DNM3: variants seen among roughly 807,000 people sequenced by gnomAD.
DNM3 encodes the protein dynamin-3.
Under a neutral mutation model 101.6 loss-of-function variants are expected in DNM3, and 47 were observed. The ratio of observed to expected loss-of-function variants is 0.46; its 90% confidence interval spans 0.37 to 0.59. The LOEUF is 0.59. Among genes scored for constraint, DNM3 ranks in the 20% least tolerant of loss-of-function variants. The probability of loss-of-function intolerance (pLI) is 0.00; values close to 1 mark genes in which losing one functional copy is unlikely to be tolerated. For missense variants in DNM3, 849 were observed against 1,085.7 expected (o/e 0.78, Z 3.06); for synonymous variants, 385 against 387.9 (o/e 0.99, Z 0.09).
intron 1 of DNM3, among the ~76,000 whole-genome samples, chr1:171,910,041 AT>A (rs2039166324): frequency 6.6e-6 from 1 of 152,222 alleles, no homozygotes; most frequent in Non-Finnish European, 1.5e-5. Context: ...TTAAGCATTC[AT>A]TCCATGTTTT....
At chr1:172,098,551 G>T (rs756884381) in intron 13 of DNM3, among the ~76,000 whole-genome samples, 1 of 152,150 alleles carries the variant, frequency 6.6e-6, no homozygotes, top group Non-Finnish European at 1.5e-5. Context: ...ATCCTCCTCA[G>T]CTTACGAAGA....
chr1:172,289,015 C>A (rs1353291420), intron 15 of DNM3, among the ~76,000 whole-genome samples: 1 of 151,964 alleles, frequency 6.6e-6, no homozygotes, highest in Non-Finnish European at 1.5e-5. Context: ...TTTCACATTT[C>A]TATTCATGAG....
intron 10 of DNM3, among the ~76,000 whole-genome samples, chr1:172,053,937 G>A (rs2125881504): frequency 6.6e-6 from 1 of 152,236 alleles, no homozygotes; most frequent in South Asian, 2.1e-4. Context: ...TAGATAAGGT[G>A]ACTATATAAT....
intron 16 of DNM3, chr1:172,310,286 T>C (rs1325995600): frequency 6.6e-6 from 1 of 152,222 alleles, no homozygotes; most frequent in African/African-American, 2.4e-5. Context: ...ACATACCTAA[T>C]TTTTTATTAA....
rs529010503 is a variant in DNM3, at chr1:172,119,925, G to T, written c.1546-11250G>T. ...CTCTTCCTAAATATTCTTCAAATCT[G>T]TCCACTTCTCCATATGTTCATTTCT... On this transcript the variant is annotated intron_variant, in intron 13 of 20. Coordinates refer to ENST00000627582, the MANE Select transcript of DNM3 (RefSeq NM_015569.5). 4.6e-5 allele frequency among the ~76,000 whole-genome samples: 7 copies of T among 152,116 alleles called. No individual in the cohort carries two copies. In the East Asian group the frequency reaches 1.4e-3, roughly 29 times the overall value.
chr1:172,245,123 T>C (rs1218242308), intron 14 of DNM3, among the ~76,000 whole-genome samples: 1 of 152,154 alleles, frequency 6.6e-6, no homozygotes, highest in Non-Finnish European at 1.5e-5. Flanking sequence ...ATGTCTATGA[T>C]GCAACCAAAA....
chr1:172,127,756 T>TAAAG (rs907092326), intron 13 of DNM3, among the ~76,000 whole-genome samples: 4 of 151,882 alleles, frequency 2.6e-5, no homozygotes, highest in Non-Finnish European at 4.4e-5. Flanking sequence ...TTGCCCATGC[T>TAAAG]AAAGAAAGAA....
chr1:172,233,371 C>G (rs2061413044), intron 14 of DNM3, among the ~76,000 whole-genome samples: 1 of 152,134 alleles, frequency 6.6e-6, no homozygotes, highest in Admixed American at 6.6e-5. Context: ...AGACCAATAA[C>G]AGGCTCTGAA....
At chr1:171,846,209 T>C (rs946252639) in intron 1 of DNM3, among the ~76,000 whole-genome samples, 17 of 147,104 alleles carry the variant, frequency 1.2e-4, no homozygotes, top group African/African-American at 4.3e-4. Context: ...GAATTAACAT[T>C]ATATAATATA....
At chr1:172,178,617 G>C (rs1022865190) in intron 14 of DNM3, among the ~76,000 whole-genome samples, 2 of 151,770 alleles carry the variant, frequency 1.3e-5, no homozygotes, top group African/African-American at 4.8e-5. Flanking sequence ...GAGGGAGAGA[G>C]ACAGAGAGAA....
intron 20 of DNM3, among the ~76,000 whole-genome samples, chr1:172,396,121 C>CT (rs2149099237): frequency 6.6e-6 from 1 of 152,320 alleles, no homozygotes; most frequent in Admixed American, 6.5e-5. Context: ...AGCAAACACT[C>CT]TAATTTCTTG....
intron 1 of DNM3, among the ~76,000 whole-genome samples, chr1:171,905,457 GAC>G (rs1478291623): frequency 6.6e-6 from 1 of 152,176 alleles, no homozygotes; most frequent in Non-Finnish European, 1.5e-5. Context: ...ACCTTAAAGA[GAC>G]AGAAAGTAGC....
chr1:172,405,684 C>T (rs1333337785), intron 20 of DNM3, among the ~76,000 whole-genome samples: 2 of 151,948 alleles, frequency 1.3e-5, no homozygotes, highest in African/African-American at 4.8e-5. Context: ...CTCCTTAAAG[C>T]TCAAATTCTG....
chr1:172,410,093 C>G lies in DNM3; in HGVS notation c.*2252C>G. ...GTGGGTACATTTTTGTTCTTTACTC[C>G]TAAGTTATTTCTCATAGAACCCAGC... On this transcript the variant is annotated 3_prime_UTR_variant, in exon 21 of 21. Coordinates refer to ENST00000627582, the MANE Select transcript of DNM3 (RefSeq NM_015569.5). The G allele has an allele frequency of 1.0e-6, 1 of 985,310 alleles. No individual in the cohort carries two copies. The highest frequency in any genetic ancestry group is 1.2e-6 in the Non-Finnish European group (1 of 829,872). 61.0% of individuals were successfully genotyped at this position (985,310 alleles called of 1,614,324 possible). A position where few individuals can be genotyped will look rare whatever the true frequency, so the allele number is the denominator to read the frequency against.
At chr1:171,984,314 C>A (rs916986211) in intron 2 of DNM3, among the ~76,000 whole-genome samples, 1 of 152,246 alleles carries the variant, frequency 6.6e-6, no homozygotes, top group Admixed American at 6.5e-5. Flanking sequence ...TCTCACTCAG[C>A]GAAAAATCAA....
chr1:171,866,514 G>A (rs2901600), intron 1 of DNM3, among the ~76,000 whole-genome samples: 88,485 of 151,608 alleles, frequency 0.58, 26,021 homozygotes, highest in East Asian at 0.8. Flanking sequence ...ACATGCCTAA[G>A]GATTGTACCA....
intron 15 of DNM3, among the ~76,000 whole-genome samples, chr1:172,274,664 A>C (rs2063210327): frequency 6.6e-6 from 1 of 151,684 alleles, no homozygotes; most frequent in African/African-American, 2.4e-5. Context: ...CAAAATGGTG[A>C]GAAATTTAAA....
At position 172,377,216 on chromosome 1, in the gene DNM3, G is replaced by T. The variant is rs1016670335; in HGVS notation, c.1894-1802G>T. 3.6e-5 allele frequency among the ~76,000 whole-genome samples: 4 copies of T among 109,734 alleles called. No individual in the cohort carries two copies. In the Admixed American group the frequency reaches 4.6e-4, roughly 13 times the overall value. 72.0% of individuals were successfully genotyped at this position (109,734 alleles called of 152,430 possible). On this transcript the variant is annotated intron_variant, in intron 17 of 20. Coordinates refer to ENST00000627582, the MANE Select transcript of DNM3 (RefSeq NM_015569.5). Reference sequence around the variant, plus strand: ...TCTAACATTTATTGAACAAATTTCAGTTCTCAGAGCTTGAATATATTCTTA... The same window carrying T: ...TCTAACATTTATTGAACAAATTTCATTTCTCAGAGCTTGAATATATTCTTA...
chr1:172,152,507 A>G (rs1351225900), intron 14 of DNM3, among the ~76,000 whole-genome samples: 2 of 152,078 alleles, frequency 1.3e-5, no homozygotes, highest in East Asian at 3.9e-4. Flanking sequence ...TGATTCTTAT[A>G]CGGGTTAGGT....
Sources: gnomAD v4.1 joint callset for allele counts (sites outside exome capture counted in the v4.1 genomes callset) on GRCh38, gnomAD v4.1.1 for gene constraint, MANE v1.5 for transcripts, NCBI Gene and HGNC (gene_info 2026-07-23, HGNC 2026-07-21) for gene names.